SMIM31: variants seen among roughly 807,000 people sequenced by gnomAD.
SMIM31 encodes small integral membrane protein 31, also known as human epithelial cell program regulator.
At chr4:164,778,907 A>G (rs1732911876) in intron 2 of SMIM31, among the ~76,000 whole-genome samples, 1 of 152,134 alleles carries the variant, frequency 6.6e-6, no homozygotes, top group South Asian at 2.1e-4. Flanking sequence ...CATGTTTACT[A>G]TAACCATAAA....
intron 1 of SMIM31, among the ~76,000 whole-genome samples, chr4:164,755,337 G>A (rs548682557): frequency 3.3e-4 from 50 of 150,610 alleles, no homozygotes; most frequent in South Asian, 6.4e-4. Context: ...AAAATTAGCT[G>A]GACACGGTGG....
rs1733172900 is a variant in SMIM31 at position 164,795,166 on chromosome 4, G to T, written c.113-5925G>T. ...TCATGACTTTGAATCAGAAAGTTCTGCATTCAAATCTCAAATTTGCTTCTG... is the reference window on the plus strand; with the variant it reads ...TCATGACTTTGAATCAGAAAGTTCTTCATTCAAATCTCAAATTTGCTTCTG... On this transcript the variant is annotated intron_variant, in intron 2 of 2. Coordinates refer to ENST00000507311, the MANE Select transcript of SMIM31 (RefSeq NM_001352885.1). 2.0e-5 allele frequency among the ~76,000 whole-genome samples: 3 copies of T among 152,188 alleles called. No individual in the cohort carries two copies. The South Asian group carries it at 6.2e-4, about 31-fold the overall frequency.
chr4:164,779,137 C>T (rs16999528), intron 2 of SMIM31, among the ~76,000 whole-genome samples: 3,888 of 152,196 alleles, frequency 0.026, 158 homozygotes, highest in African/African-American at 0.087. Context: ...GTTCAACATT[C>T]GGGTATGTAT....
chr4:164,764,216 T>C (rs1732688662), intron 1 of SMIM31, among the ~76,000 whole-genome samples: 1 of 152,146 alleles, frequency 6.6e-6, no homozygotes, highest in Admixed American at 6.6e-5. Context: ...TTGCCCTATA[T>C]GTTTTTTTAA....
At chr4:164,798,222 T>A (rs1282366246) in intron 2 of SMIM31, among the ~76,000 whole-genome samples, 1 of 138,132 alleles carries the variant, frequency 7.2e-6, no homozygotes, top group Non-Finnish European at 1.5e-5. Context: ...TTTGATATAA[T>A]GATTTTTATT....
At chr4:164,769,975 T>G (rs987513703) in intron 1 of SMIM31, among the ~76,000 whole-genome samples, 1 of 152,206 alleles carries the variant, frequency 6.6e-6, no homozygotes, top group Non-Finnish European at 1.5e-5. Flanking sequence ...AAGTTACATC[T>G]TAGTGCTTCA....
chr4:164,785,970 G>A (rs563568781), intron 2 of SMIM31, among the ~76,000 whole-genome samples: 6 of 152,194 alleles, frequency 3.9e-5, no homozygotes, highest in African/African-American at 1.4e-4. Context: ...TATGAGGGAT[G>A]GTGGTTGTCC....
At chr4:164,795,532 C>T (rs922176272) in intron 2 of SMIM31, among the ~76,000 whole-genome samples, 1 of 135,276 alleles carries the variant, frequency 7.4e-6, no homozygotes, top group East Asian at 2.3e-4. Context: ...TGCACTCCAG[C>T]CTGGTGACAG....
intron 2 of SMIM31, among the ~76,000 whole-genome samples, chr4:164,780,202 T>G (rs982121711): frequency 1.3e-5 from 2 of 151,950 alleles, no homozygotes; most frequent in African/African-American, 4.8e-5. Flanking sequence ...CCAAGGCGGG[T>G]GGATCACAAG....
intron 2 of SMIM31, among the ~76,000 whole-genome samples, chr4:164,796,270 C>T (rs1215780851): frequency 6.6e-6 from 1 of 152,160 alleles, no homozygotes; most frequent in Non-Finnish European, 1.5e-5. Context: ...TTATTCACAA[C>T]TGCCGAAAAT....
chr4:164,765,351 AAC>A (rs1732706111), intron 1 of SMIM31, among the ~76,000 whole-genome samples: 1 of 152,202 alleles, frequency 6.6e-6, no homozygotes, highest in Non-Finnish European at 1.5e-5. Context: ...AAATAAGAAA[AAC>A]AGTTTTCTGC....
intron 1 of SMIM31, among the ~76,000 whole-genome samples, chr4:164,762,559 A>T (rs1732664237): frequency 6.6e-6 from 1 of 151,642 alleles, no homozygotes; most frequent in African/African-American, 2.4e-5. Flanking sequence ...TCTACTAAAA[A>T]TACTAAAATA....
At chr4:164,757,423 A>C (rs1732579374) in intron 1 of SMIM31, among the ~76,000 whole-genome samples, 1 of 152,272 alleles carries the variant, frequency 6.6e-6, no homozygotes, top group Admixed American at 6.5e-5. Context: ...AATTATGATG[A>C]AAAGTCTAAT....
intron 2 of SMIM31, among the ~76,000 whole-genome samples, chr4:164,777,412 A>G (rs1399979544): frequency 6.6e-6 from 1 of 152,172 alleles, no homozygotes; most frequent in Admixed American, 6.5e-5. Flanking sequence ...TTTTAAATTC[A>G]CCACTGTGAA....
In SMIM31 at chr4:164,769,741, AT is replaced by A. The variant is rs1413684295; in HGVS notation, c.-25-677del. The stretch of plus-strand genomic sequence containing the variant: ...GCACATGTACCCTAAAACTTAAAGT[AT>A]AAAAAAAAAAAAAAACTCCTCTCCA... On this transcript the variant is annotated intron_variant, in intron 1 of 2. Coordinates refer to ENST00000507311, the MANE Select transcript of SMIM31 (RefSeq NM_001352885.1). 8.0e-5 allele frequency among the ~76,000 whole-genome samples: 8 copies of A among 100,626 alleles called. 1 individual carries two copies. In the South Asian group the frequency reaches 9.6e-4, roughly 12 times the overall value. The allele number at this position is 100,626 out of a possible 152,430, so 66.0% of individuals were successfully genotyped here.
chr4:164,782,161 T>C (rs1427964508), intron 2 of SMIM31, among the ~76,000 whole-genome samples: 6 of 151,552 alleles, frequency 4.0e-5, no homozygotes, highest in Non-Finnish European at 7.4e-5. Flanking sequence ...GTGGTGGCAC[T>C]TGCCTGTAAT....
chr4:164,771,837 A>G (rs1252633822), intron 2 of SMIM31, among the ~76,000 whole-genome samples: 3 of 152,126 alleles, frequency 2.0e-5, no homozygotes, highest in South Asian at 4.1e-4. Flanking sequence ...ATTAAAAAAG[A>G]ATCCACTCAA....
intron 2 of SMIM31, among the ~76,000 whole-genome samples, chr4:164,796,696 C>T (rs1389320780): frequency 6.6e-6 from 1 of 152,198 alleles, no homozygotes; most frequent in Non-Finnish European, 1.5e-5. Context: ...CTCTTTCTCT[C>T]ATAACCCATA....
intron 1 of SMIM31, among the ~76,000 whole-genome samples, chr4:164,757,924 CT>C (rs1407128089): frequency 6.6e-6 from 1 of 151,866 alleles, no homozygotes; most frequent in East Asian, 1.9e-4. Flanking sequence ...TTAGGATCAG[CT>C]TATCAATTTC....
Sources: allele counts gnomAD v4.1 joint callset (sites outside exome capture counted in the v4.1 genomes callset), GRCh38; gene constraint gnomAD v4.1.1; transcripts MANE v1.5; gene names NCBI Gene and HGNC (gene_info 2026-07-23, HGNC 2026-07-21).